Variants in MS4A10 observed in about 807,000 individuals in gnomAD.
MS4A10 encodes membrane-spanning 4-domains subfamily A member 10.
Under a neutral mutation model 27.7 loss-of-function variants are expected in MS4A10, and 27 were observed. The observed-to-expected ratio is 0.98, with a 90% CI of 0.72 to 1.35. MS4A10 has a LOEUF of 1.35. MS4A10 is among the 40% of genes most tolerant of loss of function. The pLI is 0.00. For synonymous variants in MS4A10, 139 were observed against 131.2 expected, an observed-to-expected ratio of 1.06 and a Z score of -0.41; for missense variants, 338 against 324.7, an observed-to-expected ratio of 1.04 and a Z score of -0.32.
At chr11:60,793,931 C>T in intron 4 of MS4A10, 41 bp from the exon 5 acceptor site, 1 of 1,610,082 alleles carries the variant, frequency 6.2e-7, no homozygotes, top group East Asian at 2.2e-5. Flanking sequence ...CCCCAGGTCT[C>T]CACCCTTTGG....
chr11:60,795,323 C>T (rs1590999957), intron 5 of MS4A10, among the ~76,000 whole-genome samples: 2 of 152,274 alleles, frequency 1.3e-5, no homozygotes, highest in Admixed American at 1.3e-4. Context: ...TAGGCCAATA[C>T]TCACCAAAGA....
chr11:60,795,253 G>A (rs1437341936), intron 5 of MS4A10, among the ~76,000 whole-genome samples: 1 of 152,122 alleles, frequency 6.6e-6, no homozygotes, highest in Non-Finnish European at 1.5e-5. Context: ...TGGATCAGAT[G>A]ACCCTAAGGC....
At chr11:60,790,621 G>T (rs913681500) in intron 2 of MS4A10, 103 bp downstream of exon 2, 6 of 1,279,276 alleles carry the variant, frequency 4.7e-6, no homozygotes, top group Non-Finnish European at 6.4e-6. Flanking sequence ...AAAGAGAAAG[G>T]CTCCAGCTTT....
chr11:60,795,502 G>A (rs4939457), intron 5 of MS4A10, 53 bp from the exon 6 acceptor site: 458,097 of 1,268,444 alleles, frequency 0.36, 86,153 homozygotes, highest in Middle Eastern at 0.4. Flanking sequence ...CACGTGATGC[G>A]TGCAGACACC....
chr11:60,787,571 C>T (rs866968729), intron 1 of MS4A10, among the ~76,000 whole-genome samples: 2 of 152,118 alleles, frequency 1.3e-5, no homozygotes, highest in African/African-American at 4.8e-5. Flanking sequence ...TTCCCATTCC[C>T]ACTGTGATAT....
At chr11:60,795,843 G>A (rs942949283) in intron 6 of MS4A10, among the ~76,000 whole-genome samples, 178 bp downstream of exon 6, 3 of 152,182 alleles carry the variant, frequency 2.0e-5, no homozygotes, top group African/African-American at 4.8e-5. Flanking sequence ...AGGCACGGGG[G>A]CAAGAGAGGA....
At position 60,798,428 on chromosome 11, in the gene MS4A10, A is replaced by G. The variant is rs767924999; in HGVS notation, c.636A>G (p.Pro212=). 4 of 1,613,970 alleles carry G rather than the reference A, an allele frequency of 2.5e-6. No homozygotes were observed. Among genetic ancestry groups the G allele is most frequent in the Non-Finnish European group, 3.4e-6 (4 of 1,179,968 alleles). Residue 212 remains proline (P), a synonymous_variant, in exon 7 of 8, where the codon CCA becomes CCG. Transcript: ENST00000308287. ...NDDACLVPNT[P]LHLKGLPVEP... is the part of the protein sequence containing the mutation. The stretch of plus-strand genomic sequence containing the variant: ...ATGCATGCCTTGTTCCGAATACACC[A>G]TTGCATCTCAAAGGCCTGCCGGTGG...
intron 6 of MS4A10, among the ~76,000 whole-genome samples, chr11:60,795,868 GA>G (rs1271316885): frequency 2.0e-5 from 3 of 152,172 alleles, no homozygotes; most frequent in Admixed American, 2.0e-4. Flanking sequence ...AATCCAAGGA[GA>G]AAAGGGTGAG....
Position 60,798,717 on chromosome 11 carries a change from C to T in MS4A10, c.722+203C>T, listed in dbSNP as rs558132902. Among the ~76,000 whole-genome samples, 74 of 152,286 alleles carry T rather than the reference C, an allele frequency of 4.9e-4. 1 individual carries two copies. The highest frequency in any genetic ancestry group is 8.8e-4 in the Non-Finnish European group (60 of 68,024). On this transcript the variant is annotated intron_variant, in intron 7 of 7. Transcript: ENST00000308287. ...CAGGCACTAGAGGAACTCCCAGGGC[C>T]CCCCAGGAACATCTCAGCACCTGAC... is the stretch of plus-strand genomic sequence containing the variant.
chr11:60,790,597 A>G, intron 2 of MS4A10, 79 bp downstream of exon 2: 2 of 1,447,690 alleles, frequency 1.4e-6, no homozygotes, highest in Non-Finnish European at 1.9e-6. Context: ...GGGGGCCCCA[A>G]GGGAAGAAAG....
intron 6 of MS4A10, 114 bp downstream of exon 6, chr11:60,795,779 C>T (rs984055208): frequency 1.7e-6 from 1 of 597,738 alleles, no homozygotes; most frequent in Non-Finnish European, 2.6e-6. Flanking sequence ...TCATTCATTC[C>T]TCACGTTGCT....
chr11:60,789,127 C>T (rs1854385209), intron 1 of MS4A10, among the ~76,000 whole-genome samples: 1 of 152,218 alleles, frequency 6.6e-6, no homozygotes, highest in Non-Finnish European at 1.5e-5. Context: ...TCCCTGCATC[C>T]CTGTGGAAAA....
chr11:60,792,218 T>G (rs1854442763), intron 3 of MS4A10, 47 bp from the exon 4 acceptor site: 4 of 1,527,052 alleles, frequency 2.6e-6, no homozygotes, highest in Non-Finnish European at 3.6e-6. Context: ...TTGTGGGTTT[T>G]GAGGAACCCC....
intron 6 of MS4A10, 104 bp from the exon 7 acceptor site, chr11:60,798,292 T>C (rs1489338667): frequency 2.3e-6 from 2 of 864,638 alleles, no homozygotes; most frequent in Non-Finnish European, 3.7e-6. Context: ...CCCACATTCA[T>C]GGAGAACTTG....
At chr11:60,797,539 C>T (rs1239802214) in intron 6 of MS4A10, among the ~76,000 whole-genome samples, 1 of 152,170 alleles carries the variant, frequency 6.6e-6, no homozygotes, top group Non-Finnish European at 1.5e-5. Context: ...CTTCCACCTT[C>T]AAAGCCAGCA....
chr11:60,786,009 C>T (rs1437866259), intron 1 of MS4A10, among the ~76,000 whole-genome samples: 1 of 152,000 alleles, frequency 6.6e-6, no homozygotes, highest in African/African-American at 2.4e-5. Flanking sequence ...TCAGTACAGT[C>T]GTAGGTGGTT....
chr11:60,785,862 G>C (rs182938110), intron 1 of MS4A10, among the ~76,000 whole-genome samples: 3 of 152,084 alleles, frequency 2.0e-5, no homozygotes, highest in South Asian at 2.1e-4. Flanking sequence ...AGGGCCACGA[G>C]GGGGCAGGAC....
chr11:60,798,625 A>G, intron 7 of MS4A10, 111 bp downstream of exon 7: 1 of 805,892 alleles, frequency 1.2e-6, no homozygotes, highest in Non-Finnish European at 2.1e-6. Flanking sequence ...GCAAGGGGCT[A>G]ACAGTGCTGC....
chr11:60,792,930 C>T (rs904531830), intron 4 of MS4A10, among the ~76,000 whole-genome samples: 3 of 152,210 alleles, frequency 2.0e-5, no homozygotes, highest in Non-Finnish European at 4.4e-5. Context: ...CTCTACTGTA[C>T]ACTAAATTAT....
Sources: gnomAD v4.1 joint callset for allele counts (sites outside exome capture counted in the v4.1 genomes callset) on GRCh38, gnomAD v4.1.1 for gene constraint, MANE v1.5 for transcripts, NCBI Gene and HGNC (gene_info 2026-07-23, HGNC 2026-07-21) for gene names.